Variants in ADCY10 observed in about 807,000 individuals in gnomAD.
ADCY10 encodes the protein adenylate cyclase type 10.
ADCY10 carries 156 observed loss-of-function variants against 183.3 expected under a neutral mutation model. The ratio of observed to expected loss-of-function variants is 0.85; its 90% CI spans 0.75 to 0.97. The LOEUF (loss-of-function observed/expected upper bound fraction) is 0.97, where lower values mean the gene tolerates loss of function less well. Ranked by LOEUF, ADCY10 falls within the 50% of genes least tolerant of loss-of-function variation. ADCY10 has a pLI of 0.00. For synonymous variants in ADCY10, 645 were observed against 670.0 expected (o/e 0.96, Z 0.58); for missense variants, 1,745 against 1,934.3 (o/e 0.90, Z 1.84).
At chr1:167,838,773 AT>A (rs1196735812) in intron 21 of ADCY10, among the ~76,000 whole-genome samples, 1 of 152,244 alleles carries the variant, frequency 6.6e-6, no homozygotes. Flanking sequence ...TGAATGTGTA[AT>A]AGGCATTTCA....
chr1:167,827,016 A>G (rs1354864707), intron 26 of ADCY10, among the ~76,000 whole-genome samples: 1 of 152,216 alleles, frequency 6.6e-6, no homozygotes, highest in African/African-American at 2.4e-5. Context: ...TAGGAGAGCC[A>G]GCCTAAATTC....
Position 167,844,294 on chromosome 1 carries a change from C to T in ADCY10, c.3007+1269G>A, listed in dbSNP as rs183928870. ...CAGAGGACTAAAAATCTTCATGGTC[C>T]AGATCCTAAGGCTCTGAACCTACAG... is the stretch of plus-strand genomic sequence containing the variant. On this transcript the variant is annotated intron_variant, in intron 21 of 32. Coordinates refer to ENST00000367851, the MANE Select transcript of ADCY10 (RefSeq NM_018417.6). Among the ~76,000 whole-genome samples the T allele has an allele frequency of 1.8e-4, 28 of 152,274 alleles. 1 individual carries two copies. Among genetic ancestry groups the T allele is most frequent in the Admixed American group, 1.3e-3 (20 of 15,280 alleles).
At chr1:167,895,252 T>C (rs1273962884) in intron 7 of ADCY10, among the ~76,000 whole-genome samples, 1 of 151,904 alleles carries the variant, frequency 6.6e-6, no homozygotes, top group Non-Finnish European at 1.5e-5. Flanking sequence ...AAACCCTTTA[T>C]AGAAGGTACC....
At chr1:167,849,160 T>G (rs536028212) in intron 18 of ADCY10, among the ~76,000 whole-genome samples, 16 of 152,184 alleles carry the variant, frequency 1.1e-4, no homozygotes, top group African/African-American at 3.6e-4. Flanking sequence ...GAATGTATTA[T>G]TATATATATA....
At chr1:167,889,189 A>C (rs1361977075) in intron 8 of ADCY10, among the ~76,000 whole-genome samples, 1 of 152,166 alleles carries the variant, frequency 6.6e-6, no homozygotes, top group Non-Finnish European at 1.5e-5. Flanking sequence ...CTCCCTATTC[A>C]TTATGATACT....
At chr1:167,903,368 A>G (rs1467608428) in intron 3 of ADCY10, among the ~76,000 whole-genome samples, 2 of 152,202 alleles carry the variant, frequency 1.3e-5, no homozygotes, top group Non-Finnish European at 2.9e-5. Context: ...GTTTGAGACC[A>G]GCCTGGCCAA....
At chr1:167,891,050 C>T (rs1384986952) in intron 8 of ADCY10, among the ~76,000 whole-genome samples, 1 of 152,086 alleles carries the variant, frequency 6.6e-6, no homozygotes, top group Admixed American at 6.5e-5. Flanking sequence ...CAACCTCCGC[C>T]TCCTGGGTTC....
intron 8 of ADCY10, among the ~76,000 whole-genome samples, chr1:167,890,123 C>T (rs1234598177): frequency 2.0e-5 from 3 of 152,080 alleles, no homozygotes; most frequent in Non-Finnish European, 2.9e-5. Context: ...TGTGGAAGTT[C>T]GTCAGTGTCT....
chr1:167,858,853 G>A (rs1348407962), intron 16 of ADCY10, among the ~76,000 whole-genome samples: 1 of 152,230 alleles, frequency 6.6e-6, no homozygotes, highest in Non-Finnish European at 1.5e-5. Flanking sequence ...GAAGCAGAGA[G>A]GTGTGAAGCA....
intron 26 of ADCY10, among the ~76,000 whole-genome samples, chr1:167,826,946 A>G (rs1663336854): frequency 6.6e-6 from 1 of 152,120 alleles, no homozygotes; most frequent in Non-Finnish European, 1.5e-5. Flanking sequence ...ACAGAGCTAG[A>G]AGAGGATGGG....
rs1665277152 is a variant in ADCY10, at chr1:167,849,002, T to C, written c.2309-513A>G. ...AAAATCTAGATGTACTCAAAAATGT[T>C]TTGTCTCCCTCTGCCAACCCTGCCC... On this transcript the variant is annotated intron_variant, in intron 18 of 32. Coordinates refer to ENST00000367851, the MANE Select transcript of ADCY10 (RefSeq NM_018417.6). 2.0e-5 allele frequency among the ~76,000 whole-genome samples: 3 copies of C among 152,100 alleles called. No homozygotes were observed. In the South Asian group the frequency reaches 6.2e-4, roughly 32 times the overall value.
chr1:167,816,483 T>C (rs1170187835), intron 31 of ADCY10, among the ~76,000 whole-genome samples: 1 of 151,776 alleles, frequency 6.6e-6, no homozygotes, highest in Non-Finnish European at 1.5e-5. Flanking sequence ...GAGGTGGAGG[T>C]TGCAGTGAGT....
At chr1:167,849,916 G>C (rs1442350982) in intron 18 of ADCY10, among the ~76,000 whole-genome samples, 1 of 152,186 alleles carries the variant, frequency 6.6e-6, no homozygotes, top group African/African-American at 2.4e-5. Context: ...CGTGACTAAA[G>C]TGCAGGGCCT....
intron 9 of ADCY10, 82 bp downstream of exon 9, chr1:167,883,355 G>T: frequency 6.7e-7 from 1 of 1,491,884 alleles, no homozygotes; most frequent in Non-Finnish European, 9.3e-7. Context: ...TAAATTTCCT[G>T]TGTCTATTCT....
At chr1:167,874,678 A>G (rs1374178558) in intron 13 of ADCY10, among the ~76,000 whole-genome samples, 3 of 152,212 alleles carry the variant, frequency 2.0e-5, no homozygotes, top group Non-Finnish European at 4.4e-5. Flanking sequence ...TGTTTATGGC[A>G]ATATTATTCA....
At chr1:167,852,226 T>G (rs1423802810) in intron 18 of ADCY10, among the ~76,000 whole-genome samples, 1 of 152,090 alleles carries the variant, frequency 6.6e-6, no homozygotes, top group Non-Finnish European at 1.5e-5. Flanking sequence ...GCAGATCACT[T>G]GAGGTCAGGA....
chr1:167,905,328 C>T (rs1669739064), intron 1 of ADCY10, 130 bp from the exon 2 acceptor site: 1 of 735,290 alleles, frequency 1.4e-6, no homozygotes, highest in Non-Finnish European at 2.3e-6. Context: ...GTTGTTGAGC[C>T]ACACTTCAAA....
At chr1:167,893,770 G>GTTT in intron 8 of ADCY10, 83 bp downstream of exon 8, 11 of 741,618 alleles carry the variant, frequency 1.5e-5, no homozygotes, top group South Asian at 5.3e-5. Flanking sequence ...AGTAGCTGCT[G>GTTT]TTTTTTTTTT....
intron 18 of ADCY10, among the ~76,000 whole-genome samples, chr1:167,853,953 C>T (rs184675607): frequency 6.6e-6 from 1 of 151,082 alleles, no homozygotes; most frequent in Admixed American, 6.6e-5. Flanking sequence ...ATACTCCTGC[C>T]TCAGCCTCCC....
Sources: gnomAD v4.1 joint callset for allele counts (sites outside exome capture counted in the v4.1 genomes callset) on GRCh38, gnomAD v4.1.1 for gene constraint, MANE v1.5 for transcripts, NCBI Gene and HGNC (gene_info 2026-07-23, HGNC 2026-07-21) for gene names.